The following RAB3B variants were observed in gnomAD, a reference collection of about 807,000 sequenced individuals.
The protein encoded by RAB3B is RAB3B, member RAS oncogene family.
RAB3B carries 11 observed loss-of-function variants against 20.5 expected under a neutral mutation model. The observed-to-expected ratio is 0.54, with a 90% confidence interval of 0.34 to 0.89. RAB3B has a LOEUF of 0.89. RAB3B is among the 40% of genes least tolerant of loss of function. RAB3B has a pLI of 0.02. For synonymous variants in RAB3B, 99 were observed against 106.3 expected (o/e 0.93, Z 0.42); for missense variants, 225 against 280.9 (o/e 0.80, Z 1.42).
intron 2 of RAB3B, among the ~76,000 whole-genome samples, chr1:51,950,681 C>T (rs1571968242): frequency 2.0e-5 from 3 of 152,188 alleles, no homozygotes; most frequent in Admixed American, 2.0e-4. Context: ...ATCCCTGGGT[C>T]GTGCCCTGTT....
rs183452295 is a variant in RAB3B at position 51,914,114 on chromosome 1, T to C, written c.*5813A>G. 1 of 152,292 alleles carries C rather than the reference T, an allele frequency of 6.6e-6. No homozygotes were observed. Among genetic ancestry groups the C allele is most frequent in the Non-Finnish European group, 1.5e-5 (1 of 68,034 alleles). The allele number at this position is 152,292 out of a possible 1,614,324, so 9.4% of individuals were successfully genotyped here. On this transcript the variant is annotated 3_prime_UTR_variant, in exon 5 of 5. Coordinates refer to ENST00000371655, the MANE Select transcript of RAB3B (RefSeq NM_002867.4). ...ATGTTTGTTGTTTTAAGCCTGTAAG[T>C]TTTGGAGTGGTTGGTTACGTCCTTC...
Position 51,916,161 on chromosome 1 carries a change from T to G in RAB3B, c.*3766A>C, listed in dbSNP as rs1302804884. 5 of 152,260 alleles carry G rather than the reference T, an allele frequency of 3.3e-5. No homozygotes were observed. Among genetic ancestry groups the G allele is most frequent in the Admixed American group, 2.6e-4 (4 of 15,286 alleles). 9.4% of individuals were successfully genotyped at this position (152,260 alleles called of 1,614,324 possible). A position where few individuals can be genotyped will look rare whatever the true frequency, so the allele number is the denominator to read the frequency against. On this transcript the variant is annotated 3_prime_UTR_variant, in exon 5 of 5. Coordinates refer to ENST00000371655, the MANE Select transcript of RAB3B (RefSeq NM_002867.4). Reference sequence around the variant, plus strand: ...CAGCTGGAAGCTGCTGCCTTTCATTTGACAGAAATGAGGTCACAGAGCAGG... The same window carrying G: ...CAGCTGGAAGCTGCTGCCTTTCATTGGACAGAAATGAGGTCACAGAGCAGG...
intron 2 of RAB3B, among the ~76,000 whole-genome samples, chr1:51,953,440 C>G (rs1036660439): frequency 6.6e-6 from 1 of 152,166 alleles, no homozygotes; most frequent in Non-Finnish European, 1.5e-5. Flanking sequence ...AGGAAATGAA[C>G]AGAGTCAGGC....
rs1380974373 is a variant in RAB3B at position 51,911,978 on chromosome 1, A to G, written c.*7949T>C. 6.6e-6 allele frequency: 1 copy of G among 152,148 alleles called. No individual in the cohort carries two copies. Among genetic ancestry groups the G allele is most frequent in the Admixed American group, 6.6e-5 (1 of 15,258 alleles). The allele number at this position is 152,148 out of a possible 1,614,324, so 9.4% of individuals were successfully genotyped here. A position where few individuals can be genotyped will look rare whatever the true frequency, so the allele number is the denominator to read the frequency against. ...AGGTGACAGCTGCTTATTACAGGAA[A>G]TGATTTACCAGAGATCCTATAGCAA... On this transcript the variant is annotated 3_prime_UTR_variant, in exon 5 of 5. Transcript: ENST00000371655.
rs972197696 is a variant in RAB3B at position 51,917,878 on chromosome 1, T to C, written c.*2049A>G. On this transcript the variant is annotated 3_prime_UTR_variant, in exon 5 of 5. Transcript: ENST00000371655. The stretch of plus-strand genomic sequence containing the variant: ...TCCTTTTATTTAGTCATTGGACTGG[T>C]TGCTAGTTAATTACTTTTCTAGGAC... The C allele has an allele frequency of 2.0e-5, 3 of 152,162 alleles. No individual in the cohort carries two copies. Among genetic ancestry groups the C allele is most frequent in the African/African-American group, 7.2e-5 (3 of 41,426 alleles). 9.4% of individuals were successfully genotyped at this position (152,162 alleles called of 1,614,324 possible).
At position 51,982,837 on chromosome 1, in the gene RAB3B, T is replaced by C. The variant is rs1044481928; in HGVS notation, c.1-5720A>G. ...TTAAGTTTATAAGGTTTAAAAGTTATAGTAAGCCAAAGTTAATTTATTATT... is the reference window on the plus strand; with the variant it reads ...TTAAGTTTATAAGGTTTAAAAGTTACAGTAAGCCAAAGTTAATTTATTATT... On this transcript the variant is annotated intron_variant, in intron 1 of 4. Transcript: ENST00000371655. 7.9e-5 allele frequency among the ~76,000 whole-genome samples: 12 copies of C among 152,212 alleles called. No homozygotes were observed. The South Asian group carries it at 8.3e-4, about 11-fold the overall frequency.
At chr1:51,926,070 A>AC (rs1684240049) in intron 4 of RAB3B, among the ~76,000 whole-genome samples, 1 of 152,220 alleles carries the variant, frequency 6.6e-6, no homozygotes, top group African/African-American at 2.4e-5. Context: ...GCCAGAAGCT[A>AC]CCATCACAGG....
At chr1:51,942,092 C>T (rs1343731411) in intron 2 of RAB3B, among the ~76,000 whole-genome samples, 1 of 152,188 alleles carries the variant, frequency 6.6e-6, no homozygotes, top group African/African-American at 2.4e-5. Flanking sequence ...AAAGAATAGA[C>T]CTCCCACTGA....
chr1:51,987,509 T>C (rs1394297720), intron 1 of RAB3B, among the ~76,000 whole-genome samples: 2 of 152,202 alleles, frequency 1.3e-5, no homozygotes, highest in African/African-American at 2.4e-5. Context: ...CTGTGCTTCA[T>C]GGTTTCTTCT....
rs1683977800 is a variant in RAB3B, at chr1:51,910,212, G to A, written c.*9715C>T. On this transcript the variant is annotated 3_prime_UTR_variant, in exon 5 of 5. Coordinates refer to ENST00000371655, the MANE Select transcript of RAB3B (RefSeq NM_002867.4). ...CTGTGGTCTGATGTCTACAGGGGTTGGAAGATAGTTTACTACATGAAATCC... is the reference window on the plus strand; with the variant it reads ...CTGTGGTCTGATGTCTACAGGGGTTAGAAGATAGTTTACTACATGAAATCC... 1 of 152,140 alleles carries A rather than the reference G, an allele frequency of 6.6e-6. No homozygotes were observed. Among genetic ancestry groups the A allele is most frequent in the African/African-American group, 2.4e-5 (1 of 41,444 alleles). 9.4% of individuals were successfully genotyped at this position (152,140 alleles called of 1,614,324 possible). A position where few individuals can be genotyped will look rare whatever the true frequency, so the allele number is the denominator to read the frequency against.
chr1:51,913,383 G>A lies in RAB3B; in HGVS notation c.*6544C>T, dbSNP rs1320850891. ...AGGACATCTACCAGACTTAGTTTCAGAGGACTGAGGGTGCTTCCTGTGGTA... is the reference window on the plus strand; with the variant it reads ...AGGACATCTACCAGACTTAGTTTCAAAGGACTGAGGGTGCTTCCTGTGGTA... On this transcript the variant is annotated 3_prime_UTR_variant, in exon 5 of 5. Transcript: ENST00000371655. 1 of 152,114 alleles carries A rather than the reference G, an allele frequency of 6.6e-6. No homozygotes were observed. Among genetic ancestry groups the A allele is most frequent in the Non-Finnish European group, 1.5e-5 (1 of 68,022 alleles). The allele number at this position is 152,114 out of a possible 1,614,324, so 9.4% of individuals were successfully genotyped here.
intron 4 of RAB3B, 38 bp from the exon 5 acceptor site, chr1:51,920,152 T>G (rs1684153311): frequency 6.4e-7 from 1 of 1,555,070 alleles, no homozygotes; most frequent in Non-Finnish European, 8.8e-7. Context: ...ACTTTTCCCA[T>G]CCCTTCTGCT....
rs893315069 is a variant in RAB3B at position 51,908,140 on chromosome 1, C to G, written c.*11787G>C. The G allele has an allele frequency of 6.6e-6, 1 of 152,050 alleles. No individual in the cohort carries two copies. Among genetic ancestry groups the G allele is most frequent in the Non-Finnish European group, 1.5e-5 (1 of 68,020 alleles). The allele number at this position is 152,050 out of a possible 1,614,324, so 9.4% of individuals were successfully genotyped here. On this transcript the variant is annotated 3_prime_UTR_variant, in exon 5 of 5. Transcript: ENST00000371655. Reference sequence around the variant, plus strand: ...GTATATATATTCCTTTATATTTATACAAACTCACAACACATGACATTTCAT... The same window carrying G: ...GTATATATATTCCTTTATATTTATAGAAACTCACAACACATGACATTTCAT...
intron 2 of RAB3B, among the ~76,000 whole-genome samples, chr1:51,952,596 C>T (rs1324761670): frequency 6.6e-6 from 1 of 151,898 alleles, no homozygotes; most frequent in Non-Finnish European, 1.5e-5. Flanking sequence ...GTTTCTGTAC[C>T]CTCAGTGTCT....
chr1:51,930,252 G>A (rs1011117006), intron 4 of RAB3B, among the ~76,000 whole-genome samples: 6 of 152,192 alleles, frequency 3.9e-5, no homozygotes, highest in African/African-American at 1.2e-4. Context: ...GGTATAGCTT[G>A]AGCAAGTTAT....
intron 2 of RAB3B, among the ~76,000 whole-genome samples, chr1:51,960,601 C>G (rs906221902): frequency 3.3e-5 from 5 of 152,106 alleles, no homozygotes; most frequent in African/African-American, 1.2e-4. Context: ...GAATGGCCTC[C>G]CCCATCCCAC....
chr1:51,940,309 C>A (rs183288433), intron 2 of RAB3B, among the ~76,000 whole-genome samples: 155 of 152,214 alleles, frequency 1.0e-3, no homozygotes, highest in Admixed American at 2.2e-3. Context: ...ATGTCATCAG[C>A]ACCAGATAAG....
chr1:51,976,925 A>G lies in RAB3B; in HGVS notation c.193T>C (p.Tyr65His). ...VGIDFKVKTV[Y>H]RHEKRVKLQI... The stretch of plus-strand genomic sequence containing the variant: ...AGTTTCACCCGCTTCTCGTGACGGT[A>G]GACTGTCTTCACCTTGAAGTCGATG... Residue 65 changes from tyrosine to histidine, a missense_variant, in exon 2 of 5, where the codon TAC (tyrosine) becomes CAC (histidine). By Grantham distance (83) the Tyr-to-His change is moderately conservative (BLOSUM62 2). Coordinates refer to ENST00000371655, the MANE Select transcript of RAB3B (RefSeq NM_002867.4). 10 of 1,614,208 alleles carry G rather than the reference A, an allele frequency of 6.2e-6. No individual in the cohort carries two copies. Among genetic ancestry groups the G allele is most frequent in the Non-Finnish European group, 8.5e-6 (10 of 1,180,032 alleles).
intron 1 of RAB3B, chr1:51,980,720 T>C (rs1685075120): frequency 1.2e-5 from 9 of 755,968 alleles, no homozygotes; most frequent in Non-Finnish European, 4.8e-6. Context: ...CACAGCAAAG[T>C]AGTCAGGAAT....
Sources: allele counts gnomAD v4.1 joint callset (sites outside exome capture counted in the v4.1 genomes callset), GRCh38; gene constraint gnomAD v4.1.1; transcripts MANE v1.5; gene names NCBI Gene and HGNC (gene_info 2026-07-23, HGNC 2026-07-21).